ERBB4: variants seen among roughly 807,000 people sequenced by gnomAD.
ERBB4 encodes the protein receptor tyrosine-protein kinase erbB-4.
ERBB4 carries 42 observed loss-of-function variants against 158.0 expected under a neutral mutation model. The observed-to-expected ratio is 0.27, with a 90% CI of 0.21 to 0.34. The LOEUF (loss-of-function observed/expected upper bound fraction) is 0.34. Among genes scored for constraint, ERBB4 ranks in the 10% least tolerant of loss-of-function variants. The probability of loss-of-function intolerance (pLI) is 1.00; values close to 1 mark genes in which losing one functional copy is unlikely to be tolerated. For missense variants in ERBB4, 1,333 were observed against 1,624.1 expected, an observed-to-expected ratio of 0.82 and a Z score of 3.08; for synonymous variants, 583 against 558.7, an observed-to-expected ratio of 1.04 and a Z score of -0.61.
chr2:212,215,320 CTATA>C (rs1243108094), intron 1 of ERBB4, among the ~76,000 whole-genome samples: 1 of 151,432 alleles, frequency 6.6e-6, no homozygotes, highest in Non-Finnish European at 1.5e-5. Flanking sequence ...AAAACAGTCA[CTATA>C]TAATTATGTA....
At chr2:211,839,140 AGGGAGAGAGAGAAGG>A (rs2105993577) in intron 3 of ERBB4, among the ~76,000 whole-genome samples, 1 of 124,090 alleles carries the variant, frequency 8.1e-6, no homozygotes, top group East Asian at 2.7e-4. Context: ...AGAGGGAGAG[AGGGAGAGAGAGAAGG>A]AGGAGGAGGA....
intron 1 of ERBB4, among the ~76,000 whole-genome samples, chr2:212,436,115 A>C (rs188294033): frequency 6.6e-6 from 1 of 152,066 alleles, no homozygotes; most frequent in East Asian, 1.9e-4. Context: ...AGAGAAAACG[A>C]GAAATTGATG....
chr2:212,016,335 C>T (rs1180996019), intron 2 of ERBB4, among the ~76,000 whole-genome samples: 2 of 151,688 alleles, frequency 1.3e-5, no homozygotes, highest in East Asian at 3.9e-4. Context: ...CCAGGTAAAT[C>T]AACTATGAAA....
At chr2:211,895,265 T>C (rs763409122) in intron 3 of ERBB4, among the ~76,000 whole-genome samples, 1 of 152,130 alleles carries the variant, frequency 6.6e-6, no homozygotes, top group Non-Finnish European at 1.5e-5. Context: ...TTATCTTTTT[T>C]GTTGTTGTTG....
chr2:211,592,643 A>G (rs188054535), intron 19 of ERBB4, among the ~76,000 whole-genome samples: 1 of 152,114 alleles, frequency 6.6e-6, no homozygotes. Context: ...AGAAAGGGGA[A>G]TCTCCCTGGA....
intron 3 of ERBB4, among the ~76,000 whole-genome samples, chr2:211,942,232 CTT>C (rs1353570467): frequency 2.6e-5 from 4 of 152,222 alleles, no homozygotes; most frequent in Non-Finnish European, 5.9e-5. Context: ...AAATTAATAA[CTT>C]ATGCATATTT....
At chr2:212,532,661 G>A (rs1048719563) in intron 1 of ERBB4, among the ~76,000 whole-genome samples, 1 of 152,190 alleles carries the variant, frequency 6.6e-6, no homozygotes, top group African/African-American at 2.4e-5. Flanking sequence ...ATGATTGTAT[G>A]ACCAGAATCC....
chr2:211,903,799 A>C (rs2079302334), intron 3 of ERBB4, among the ~76,000 whole-genome samples: 2 of 151,968 alleles, frequency 1.3e-5, no homozygotes, highest in South Asian at 4.1e-4. Context: ...GAAAAAAAAA[A>C]GCACCTTTAC....
chr2:212,136,815 G>A (rs2080286049), intron 1 of ERBB4, among the ~76,000 whole-genome samples: 1 of 152,070 alleles, frequency 6.6e-6, no homozygotes, highest in African/African-American at 2.4e-5. Flanking sequence ...AAGGGGTGTG[G>A]CAAACAACAT....
intron 2 of ERBB4, among the ~76,000 whole-genome samples, chr2:212,001,534 G>C (rs968066823): frequency 6.6e-6 from 1 of 152,170 alleles, no homozygotes; most frequent in Admixed American, 6.5e-5. Flanking sequence ...TATTGGTTGG[G>C]AAAACCTTAG....
chr2:212,114,670 C>A (rs531336010), intron 2 of ERBB4, among the ~76,000 whole-genome samples: 1 of 152,126 alleles, frequency 6.6e-6, no homozygotes, highest in African/African-American at 2.4e-5. Flanking sequence ...CTTCTCATTG[C>A]TTCTGCGAAA....
chr2:211,414,782 T>C (rs2063345924), intron 25 of ERBB4, among the ~76,000 whole-genome samples: 2 of 152,086 alleles, frequency 1.3e-5, no homozygotes, highest in African/African-American at 2.4e-5. Context: ...CTTAGAAATA[T>C]GGCCTTTGTG....
intron 2 of ERBB4, among the ~76,000 whole-genome samples, chr2:212,087,653 C>T (rs988463247): frequency 2.0e-5 from 3 of 151,916 alleles, no homozygotes; most frequent in Non-Finnish European, 4.4e-5. Context: ...AACAGGAGGC[C>T]GGGAGACAGG....
At chr2:211,473,766 G>T (rs146225708) in intron 20 of ERBB4, among the ~76,000 whole-genome samples, 148 of 152,034 alleles carry the variant, frequency 9.7e-4, no homozygotes, top group African/African-American at 3.3e-3. Flanking sequence ...CATTTCAATG[G>T]TAAATAAAAC....
intron 20 of ERBB4, among the ~76,000 whole-genome samples, chr2:211,462,223 C>A (rs2064553562): frequency 6.6e-6 from 1 of 151,924 alleles, no homozygotes; most frequent in African/African-American, 2.4e-5. Context: ...GGGTGCTACA[C>A]ACTTTTAAAC....
intron 2 of ERBB4, among the ~76,000 whole-genome samples, chr2:212,083,085 G>A (rs13015102): frequency 1.3e-5 from 2 of 152,112 alleles, no homozygotes; most frequent in Non-Finnish European, 1.5e-5. Flanking sequence ...TAGGTACACG[G>A]AGAAAAGATA....
At chr2:211,724,982 A>T (rs2074219936) in intron 6 of ERBB4, 94 bp downstream of exon 6, 8 of 982,956 alleles carry the variant, frequency 8.1e-6, no homozygotes. Flanking sequence ...GCTAAAGTTG[A>T]TCTGATTGTA....
At chr2:211,613,957 A>G (rs896139737) in intron 19 of ERBB4, among the ~76,000 whole-genome samples, 9 of 152,098 alleles carry the variant, frequency 5.9e-5, no homozygotes, top group Non-Finnish European at 1.0e-4. Context: ...TATCAAAGAG[A>G]TATCTGCACT....
chr2:212,367,907 G>GC (rs2089948022), intron 1 of ERBB4, among the ~76,000 whole-genome samples: 1 of 152,014 alleles, frequency 6.6e-6, no homozygotes, highest in South Asian at 2.1e-4. Context: ...TGCAAGAATG[G>GC]CCATAATCAA....
Sources: gnomAD v4.1 joint callset for allele counts (sites outside exome capture counted in the v4.1 genomes callset) on GRCh38, gnomAD v4.1.1 for gene constraint, MANE v1.5 for transcripts, NCBI Gene and HGNC (gene_info 2026-07-23, HGNC 2026-07-21) for gene names.